Variants in P2RY2 observed in about 807,000 individuals in gnomAD.
P2RY2 encodes P2Y purinoceptor 2.
For missense variants in P2RY2, 567 were observed against 515.7 expected (o/e 1.10, Z -0.96); for synonymous variants, 241 against 231.9 (o/e 1.04, Z -0.35).
Position 73,238,518 on chromosome 11 carries a change from T to A in P2RY2, c.*3225T>A, listed in dbSNP as rs1315990198. On this transcript the variant is annotated 3_prime_UTR_variant, in exon 3 of 3. Coordinates refer to ENST00000393597, the MANE Select transcript of P2RY2 (RefSeq NM_002564.4). ...GGTCAAGTCACCAAAGCTACCTCTC[T>A]GTCACCCTTGTCATGGCAGATTTGG... is the stretch of plus-strand genomic sequence containing the variant. 6.6e-6 allele frequency among the ~76,000 whole-genome samples: 1 copy of A among 152,172 alleles called. No homozygotes were observed. The highest frequency in any genetic ancestry group is 1.5e-5 in the Non-Finnish European group (1 of 68,026).
In P2RY2 at chr11:73,235,280, A is replaced by G. The variant is rs1862617596; in HGVS notation, c.1121A>G (p.Asp374Gly). 2 of 1,558,030 alleles carry G rather than the reference A, an allele frequency of 1.3e-6. No individual in the cohort carries two copies. The highest frequency in any genetic ancestry group is 4.5e-5 in the East Asian group (2 of 44,310). ...STPAGSENTK[D>G]IRL ...CCGGCTGGTAGCGAGAACACTAAGG[A>G]CATTCGGCTGTAGGAGCAGAACACT... The change falls in exon 3 of 3, where the codon GAC becomes GGC. Residue 374 changes from aspartate (D) to glycine (G), a missense_variant. By Grantham distance (94) the Asp-to-Gly change is moderately conservative. Transcript: ENST00000393597.
chr11:73,234,359 C>A lies in P2RY2; in HGVS notation c.200C>A (p.Ala67Glu). 6.2e-7 allele frequency: 1 copy of A among 1,614,206 alleles called. No homozygotes were observed. The highest frequency in any genetic ancestry group is 1.3e-5 in the African/African-American group (1 of 75,048). ...IFLCRLKTWNASTTYMFHLAV... is the reference protein window; with the variant it reads ...IFLCRLKTWNESTTYMFHLAV... ...TTGTGCCGCCTCAAGACCTGGAATG[C>A]GTCCACCACATATATGTTCCACCTG... Residue 67 changes from alanine to glutamate, a missense_variant, in exon 3 of 3, where the codon GCG (alanine) becomes GAG (glutamate). By Grantham distance (107) the Ala-to-Glu change is moderately radical (BLOSUM62 -1). Coordinates refer to ENST00000393597, the MANE Select transcript of P2RY2 (RefSeq NM_002564.4).
At position 73,235,722 on chromosome 11, in the gene P2RY2, G is replaced by T; in HGVS notation, c.*429G>T. On this transcript the variant is annotated 3_prime_UTR_variant, in exon 3 of 3. Coordinates refer to ENST00000393597, the MANE Select transcript of P2RY2 (RefSeq NM_002564.4). ...TACCTGGGGTGGGGGCCAAGTCACAGGTTGGCCAGAAAACCCTGGTAAGTA... is the reference window on the plus strand; with the variant it reads ...TACCTGGGGTGGGGGCCAAGTCACATGTTGGCCAGAAAACCCTGGTAAGTA... 9.9e-7 allele frequency: 1 copy of T among 1,007,310 alleles called. No individual in the cohort carries two copies. The highest frequency in any genetic ancestry group is 1.7e-5 in the African/African-American group (1 of 57,536). The allele number at this position is 1,007,310 out of a possible 1,614,324, so 62.4% of individuals were successfully genotyped here.
chr11:73,234,855 C>T lies in P2RY2; in HGVS notation c.696C>T (p.Thr232=), dbSNP rs761142552. ...ARRLLKPAYG[T]SGGLPRAKRK... ...GACTGCTAAAGCCAGCCTACGGGAC[C>T]TCGGGCGGCCTGCCTAGGGCCAAGC... Residue 232 remains threonine (T), a synonymous_variant, in exon 3 of 3, where the codon ACC becomes ACT. Coordinates refer to ENST00000393597, the MANE Select transcript of P2RY2 (RefSeq NM_002564.4). 29 of 1,610,452 alleles carry T rather than the reference C, an allele frequency of 1.8e-5. No homozygotes were observed. The highest frequency in any genetic ancestry group is 9.9e-5 in the South Asian group (9 of 91,082).
At chr11:73,231,032 G>A (rs532168487) in intron 2 of P2RY2, among the ~76,000 whole-genome samples, 28 of 152,206 alleles carry the variant, frequency 1.8e-4, no homozygotes, top group Non-Finnish European at 3.8e-4. Flanking sequence ...TGGGTAAGAC[G>A]GGTCTCAGCC....
At position 73,239,396 on chromosome 11, in the gene P2RY2, G is replaced by A. The variant is rs1862727150; in HGVS notation, c.*4103G>A. On this transcript the variant is annotated 3_prime_UTR_variant, in exon 3 of 3. Transcript: ENST00000393597. ...GTGCTGTTTACAGAACCTTGTCCAGGTGCCCAGCTGTGGGAGGGCAGCATG... is the reference window on the plus strand; with the variant it reads ...GTGCTGTTTACAGAACCTTGTCCAGATGCCCAGCTGTGGGAGGGCAGCATG... The A allele has an allele frequency of 6.6e-6, 1 of 152,378 alleles. No homozygotes were observed. Among genetic ancestry groups the A allele is most frequent in the Non-Finnish European group, 1.5e-5 (1 of 68,154 alleles). 9.4% of individuals were successfully genotyped at this position (152,378 alleles called of 1,614,324 possible). A position where few individuals can be genotyped will look rare whatever the true frequency, so the allele number is the denominator to read the frequency against.
chr11:73,230,127 C>T (rs951009668), intron 2 of P2RY2, among the ~76,000 whole-genome samples: 3 of 152,064 alleles, frequency 2.0e-5, no homozygotes, highest in African/African-American at 4.8e-5. Context: ...GGGGGCCTCT[C>T]CTTGCTCCTC....
intron 1 of P2RY2, among the ~76,000 whole-genome samples, chr11:73,222,240 C>T (rs1481860486): frequency 6.6e-6 from 1 of 152,086 alleles, no homozygotes; most frequent in African/African-American, 2.4e-5. Context: ...TGGGTGTCGA[C>T]CTGGCTTCCT....
chr11:73,235,048 G>T lies in P2RY2; in HGVS notation c.889G>T (p.Ala297Ser). 6.2e-7 allele frequency: 1 copy of T among 1,608,138 alleles called. No homozygotes were observed. The change falls in exon 3 of 3, where the codon GCT (alanine) becomes TCT (serine). Residue 297 changes from alanine to serine, a missense_variant. Coordinates refer to ENST00000393597, the MANE Select transcript of P2RY2 (RefSeq NM_002564.4). The stretch of plus-strand genomic sequence containing the variant: ...CAAGGTTACCCGGCCGCTGGCCAGT[G>T]CTAACAGTTGCCTTGACCCCGTGCT... ...AYKVTRPLAS[A>S]NSCLDPVLYF...
Position 73,234,759 on chromosome 11 carries a change from A to G in P2RY2, c.600A>G (p.Ser200=). The change falls in exon 3 of 3, where the codon TCA becomes TCG. Residue 200 remains serine (S), a synonymous_variant. Coordinates refer to ENST00000393597, the MANE Select transcript of P2RY2 (RefSeq NM_002564.4). ...TCAGCCGCTTCGTGGCCTACAGCTC[A>G]GTCATGCTGGGCCTGCTCTTCGCGG... ...ELFSRFVAYS[S]VMLGLLFAVP... 6.2e-7 allele frequency: 1 copy of G among 1,611,332 alleles called. No homozygotes were observed. The highest frequency in any genetic ancestry group is 8.5e-7 in the Non-Finnish European group (1 of 1,179,938).
intron 1 of P2RY2, among the ~76,000 whole-genome samples, chr11:73,226,759 C>A (rs1565137533): frequency 6.6e-6 from 1 of 152,166 alleles, no homozygotes; most frequent in Non-Finnish European, 1.5e-5. Context: ...CAACTGTCCC[C>A]TCCCTGAAAC....
At position 73,235,884 on chromosome 11, in the gene P2RY2, A is replaced by G; in HGVS notation, c.*591A>G. Reference sequence around the variant, plus strand: ...ACCCATCTGGAGGCTCCCATGGGCTAGGAGCCAGTGTGAGGCTGTAACTTA... The same window carrying G: ...ACCCATCTGGAGGCTCCCATGGGCTGGGAGCCAGTGTGAGGCTGTAACTTA... On this transcript the variant is annotated 3_prime_UTR_variant, in exon 3 of 3. Transcript: ENST00000393597. 1 of 1,000,234 alleles carries G rather than the reference A, an allele frequency of 1.0e-6. No homozygotes were observed. Among genetic ancestry groups the G allele is most frequent in the Non-Finnish European group, 1.2e-6 (1 of 829,892 alleles). The allele number at this position is 1,000,234 out of a possible 1,614,324, so 62.0% of individuals were successfully genotyped here. A position where few individuals can be genotyped will look rare whatever the true frequency, so the allele number is the denominator to read the frequency against.
chr11:73,223,829 T>C (rs994843798), intron 1 of P2RY2, among the ~76,000 whole-genome samples: 2 of 152,210 alleles, frequency 1.3e-5, no homozygotes, highest in African/African-American at 4.8e-5. Context: ...TCCTGCTCTA[T>C]GTTGGGGGTG....
In P2RY2 at chr11:73,237,823, T is replaced by A. The variant is rs1330043762; in HGVS notation, c.*2530T>A. 6.6e-6 allele frequency among the ~76,000 whole-genome samples: 1 copy of A among 152,178 alleles called. No individual in the cohort carries two copies. On this transcript the variant is annotated 3_prime_UTR_variant, in exon 3 of 3. Transcript: ENST00000393597. Reference sequence around the variant, plus strand: ...AAGTTCCTGCCCTGATGCCTCATGCTATTTTCAGCCCAAGTAAGACCATAA... The same window carrying A: ...AAGTTCCTGCCCTGATGCCTCATGCAATTTTCAGCCCAAGTAAGACCATAA...
rs763598858 is a variant in P2RY2, at chr11:73,234,178, C to A, written c.19C>A (p.Pro7Thr). Residue 7 changes from proline (P) to threonine (T), a missense_variant, in exon 3 of 3, where the codon CCC (proline) becomes ACC (threonine). Physicochemically the swap from Pro to Thr is conservative, Grantham distance 38. Transcript: ENST00000393597. ...CAGGGCGATGGCAGCAGACCTGGGCCCCTGGAATGACACCATCAATGGCAC... is the reference window on the plus strand; with the variant it reads ...CAGGGCGATGGCAGCAGACCTGGGCACCTGGAATGACACCATCAATGGCAC... MAADLG[P>T]WNDTINGTWD... 1.2e-6 allele frequency: 2 copies of A among 1,611,512 alleles called. No homozygotes were observed. The highest frequency in any genetic ancestry group is 1.7e-6 in the Non-Finnish European group (2 of 1,178,616).
intron 1 of P2RY2, among the ~76,000 whole-genome samples, chr11:73,223,214 C>T (rs1387478531): frequency 1.3e-5 from 2 of 152,196 alleles, no homozygotes; most frequent in South Asian, 2.1e-4. Context: ...GAATCAGAGG[C>T]TCATGTGGTT....
intron 1 of P2RY2, among the ~76,000 whole-genome samples, chr11:73,227,167 G>A (rs1005905902): frequency 6.6e-6 from 1 of 152,172 alleles, no homozygotes; most frequent in African/African-American, 2.4e-5. Context: ...TTATAAGTGA[G>A]AACATGCGGT....
In P2RY2 at chr11:73,235,877, A is replaced by G. The variant is rs763213401; in HGVS notation, c.*584A>G. On this transcript the variant is annotated 3_prime_UTR_variant, in exon 3 of 3. Coordinates refer to ENST00000393597, the MANE Select transcript of P2RY2 (RefSeq NM_002564.4). ...ATCATAGACCCATCTGGAGGCTCCC[A>G]TGGGCTAGGAGCCAGTGTGAGGCTG... The G allele has an allele frequency of 1.3e-5, 13 of 1,000,380 alleles. No homozygotes were observed. The highest frequency in any genetic ancestry group is 1.2e-4 in the Admixed American group (2 of 16,278). The allele number at this position is 1,000,380 out of a possible 1,614,324, so 62.0% of individuals were successfully genotyped here.
chr11:73,218,952 G>A (rs998878142), intron 1 of P2RY2, among the ~76,000 whole-genome samples: 1 of 152,172 alleles, frequency 6.6e-6, no homozygotes, highest in Admixed American at 6.5e-5. Flanking sequence ...GGAGGAGGGA[G>A]TGGCCAGAAA....
Sources: gnomAD v4.1 joint callset for allele counts (sites outside exome capture counted in the v4.1 genomes callset) on GRCh38, gnomAD v4.1.1 for gene constraint, MANE v1.5 for transcripts, NCBI Gene and HGNC (gene_info 2026-07-23, HGNC 2026-07-21) for gene names.